The following CFAP46 variants were observed in gnomAD, a reference collection of about 807,000 sequenced individuals.
CFAP46 encodes the protein cilia- and flagella-associated protein 46.
In CFAP46, 245 loss-of-function variants were observed where a neutral mutation model predicts 325.7. That is an observed-to-expected ratio of 0.75 (90% CI 0.68 to 0.84). The LOEUF is 0.84. Among genes scored for constraint, CFAP46 ranks in the 40% least tolerant of loss-of-function variants. CFAP46 has a pLI of 0.00. For missense variants in CFAP46, 3,346 were observed against 3,543.0 expected (o/e 0.94, Z 1.41); for synonymous variants, 1,523 against 1,495.9 (o/e 1.02, Z -0.42).
At chr10:132,862,139 G>A (rs1848729746) in intron 35 of CFAP46, among the ~76,000 whole-genome samples, 1 of 152,238 alleles carries the variant, frequency 6.6e-6, no homozygotes, top group Non-Finnish European at 1.5e-5. Context: ...AGGGTAGGCA[G>A]GTGGGCGACT....
At position 132,827,518 on chromosome 10, in the gene CFAP46, G is replaced by A. The variant is rs2134957571; in HGVS notation, c.7117+5840C>T. Among the ~76,000 whole-genome samples the A allele has an allele frequency of 6.6e-6, 1 of 151,948 alleles. No individual in the cohort carries two copies. Among genetic ancestry groups the A allele is most frequent in the Admixed American group, 6.5e-5 (1 of 15,268 alleles). ...TCATGTAAAAAATTTCCACTCACAAGCAGGAGACTCCACGAGGCCTTGGGG... is the reference window on the plus strand; with the variant it reads ...TCATGTAAAAAATTTCCACTCACAAACAGGAGACTCCACGAGGCCTTGGGG... On this transcript the variant is annotated intron_variant, in intron 50 of 57. Transcript: ENST00000368586. This position sits in a 1 kb window ranked among gnomAD's most constrained non-coding sequence, Gnocchi z 5.7.
chr10:132,866,978 G>A (rs976695824), intron 34 of CFAP46, among the ~76,000 whole-genome samples: 5 of 152,156 alleles, frequency 3.3e-5, no homozygotes, highest in Non-Finnish European at 5.9e-5. Context: ...CTGCCCAGGC[G>A]CCCAGCAGGC....
intron 4 of CFAP46, 127 bp downstream of exon 4, chr10:132,940,869 G>T: frequency 2.3e-6 from 2 of 872,380 alleles, no homozygotes; most frequent in Non-Finnish European, 3.7e-6. Context: ...GATCACACGT[G>T]CATGAAAATC....
At chr10:132,839,963 T>G (rs1203241863) in intron 44 of CFAP46, among the ~76,000 whole-genome samples, 1 of 152,218 alleles carries the variant, frequency 6.6e-6, no homozygotes, top group Non-Finnish European at 1.5e-5. Flanking sequence ...CTGCTAAGTT[T>G]CTAGTGTCAA....
intron 54 of CFAP46, 41 bp from the exon 55 acceptor site, chr10:132,812,938 C>T (rs1297501394): frequency 1.3e-6 from 2 of 1,517,250 alleles, no homozygotes; most frequent in Middle Eastern, 1.7e-4. Context: ...TGCCCATGCA[C>T]CTGTACCAGA....
intron 20 of CFAP46, 52 bp downstream of exon 20, chr10:132,909,867 T>C: frequency 7.3e-7 from 1 of 1,361,788 alleles, no homozygotes; most frequent in Non-Finnish European, 9.4e-7. Context: ...GTCTCAGATC[T>C]CTATGTCCAC....
At chr10:132,940,222 T>C (rs149308059) in intron 4 of CFAP46, among the ~76,000 whole-genome samples, 383 of 152,232 alleles carry the variant, frequency 2.5e-3, no homozygotes, top group Middle Eastern at 6.8e-3. Flanking sequence ...CCGATGTGGG[T>C]AGAACAGACC....
At chr10:132,892,201 A>G in intron 25 of CFAP46, 132 bp downstream of exon 25, 1 of 740,658 alleles carries the variant, frequency 1.4e-6, no homozygotes, top group East Asian at 2.7e-5. Flanking sequence ...CTGAACAGAC[A>G]TTATCTGGAG....
At chr10:132,823,512 A>ACGTGTGC (rs1847941562) in intron 50 of CFAP46, among the ~76,000 whole-genome samples, 1 of 75,756 alleles carries the variant, frequency 1.3e-5, no homozygotes, top group Non-Finnish European at 2.4e-5. Flanking sequence ...CTGTGTGCTG[A>ACGTGTGC]TGTGTGCTGT....
intron 8 of CFAP46, among the ~76,000 whole-genome samples, chr10:132,931,560 G>T (rs1849903275): frequency 8.0e-6 from 1 of 125,470 alleles, no homozygotes; most frequent in South Asian, 2.7e-4. Context: ...CTCACACAGA[G>T]CCTGGGCCTT....
intron 3 of CFAP46, among the ~76,000 whole-genome samples, 162 bp from the exon 4 acceptor site, chr10:132,941,222 C>A (rs1010873456): frequency 6.6e-6 from 1 of 152,122 alleles, no homozygotes; most frequent in Non-Finnish European, 1.5e-5. Context: ...AGTGTCGTGG[C>A]GAGGTCCTGG....
intron 50 of CFAP46, among the ~76,000 whole-genome samples, chr10:132,830,130 TTTTC>T (rs1848125523): frequency 6.6e-6 from 1 of 151,748 alleles, no homozygotes; most frequent in Non-Finnish European, 1.5e-5. Flanking sequence ...ATGTTTTTTC[TTTTC>T]TTTTTCTTTT....
At chr10:132,922,427 GC>G in intron 12 of CFAP46, 52 bp downstream of exon 12, 1 of 1,496,324 alleles carries the variant, frequency 6.7e-7, no homozygotes. Flanking sequence ...CCCCGCCCCG[GC>G]CCCATGCTGG....
rs755553982 is a variant in CFAP46, at chr10:132,913,178, G to A, written c.2201C>T (p.Ala734Val). The change falls in exon 18 of 58, where the codon GCG (alanine) becomes GTG (valine). Residue 734 changes from alanine (A) to valine (V), a missense_variant. Transcript: ENST00000368586. Reference protein sequence around the residue: ...SAEIGQEIQEAWIVQNAVVYV... With the variant: ...SAEIGQEIQEVWIVQNAVVYV... ...GACCACGGCGTTCTGCACAATCCAC[G>A]CCTCCTGGATCTCCTGTCCGATCTC... 6 of 1,550,344 alleles carry A rather than the reference G, an allele frequency of 3.9e-6. No homozygotes were observed. In the South Asian group the frequency reaches 4.8e-5, roughly 12 times the overall value.
chr10:132,826,364 G>A (rs988514753), intron 50 of CFAP46, among the ~76,000 whole-genome samples: 14 of 137,540 alleles, frequency 1.0e-4, no homozygotes, highest in Non-Finnish European at 1.7e-4. Context: ...GACCAGCCAC[G>A]GAGCCAGGCA....
chr10:132,933,896 T>C (rs1849951629), intron 8 of CFAP46, among the ~76,000 whole-genome samples: 1 of 152,218 alleles, frequency 6.6e-6, no homozygotes. Context: ...CAGTCAACAC[T>C]GTGGCTGCTG....
chr10:132,903,742 A>G (rs1353702868), intron 22 of CFAP46, among the ~76,000 whole-genome samples: 1 of 152,176 alleles, frequency 6.6e-6, no homozygotes, highest in Non-Finnish European at 1.5e-5. Context: ...AACAACATTA[A>G]ATATAAATAT....
chr10:132,918,820 CT>C (rs945291544), intron 15 of CFAP46, among the ~76,000 whole-genome samples: 2 of 152,308 alleles, frequency 1.3e-5, no homozygotes, highest in Non-Finnish European at 2.9e-5. Context: ...CCCCTGCCTT[CT>C]TGGGGGGTGC....
At chr10:132,809,455 G>A (rs7095453) in intron 57 of CFAP46, among the ~76,000 whole-genome samples, 8,773 of 152,266 alleles carry the variant, frequency 0.058, 608 homozygotes, top group African/African-American at 0.17. Context: ...TGTGGGTTCC[G>A]TCTGCCTTCC....
Sources: gnomAD v4.1 joint callset for allele counts (sites outside exome capture counted in the v4.1 genomes callset) on GRCh38, gnomAD v4.1.1 for gene constraint, Gnocchi (gnomAD v3.1) non-coding constraint, MANE v1.5 for transcripts, NCBI Gene and HGNC (gene_info 2026-07-23, HGNC 2026-07-21) for gene names.